ERICH1: variants seen among roughly 807,000 people sequenced by gnomAD.
ERICH1 encodes the protein glutamate rich 1, also known as glutamate-rich protein 1.
ERICH1 carries 56 observed loss-of-function variants against 39.6 expected under a neutral mutation model. That is an observed-to-expected ratio of 1.41 (90% CI 1.14 to 1.77). The LOEUF (loss-of-function observed/expected upper bound fraction) is 1.77. Among genes scored for constraint, ERICH1 ranks in the 40% most tolerant of loss-of-function variants. ERICH1 has a pLI of 0.00. For missense variants in ERICH1, 826 were observed against 575.4 expected (o/e 1.44, Z -4.45); for synonymous variants, 313 against 223.6 (o/e 1.40, Z -3.57).
intron 3 of ERICH1, among the ~76,000 whole-genome samples, chr8:688,406 T>C (rs1386721767): frequency 1.1e-4 from 12 of 107,088 alleles, no homozygotes; most frequent in African/African-American, 3.6e-4. Flanking sequence ...GCGCCCAGGC[T>C]CCGCTTCCCT....
intron 2 of ERICH1, among the ~76,000 whole-genome samples, chr8:694,450 G>A (rs748541673): frequency 1.3e-5 from 2 of 152,234 alleles, no homozygotes; most frequent in Non-Finnish European, 2.9e-5. Context: ...TTAATCATTA[G>A]GATGGACACG....
At chr8:694,478 C>T (rs1809672315) in intron 2 of ERICH1, among the ~76,000 whole-genome samples, 2 of 152,202 alleles carry the variant, frequency 1.3e-5, no homozygotes, top group South Asian at 4.1e-4. Context: ...TCAGGGAACA[C>T]TCAATGACTC....
rs1425898653 is a variant in ERICH1 at position 700,407 on chromosome 8, AGG to A, written c.170-7797_170-7796del. Reference sequence around the variant, plus strand: ...CCCGCACACGCGCACAGGCCCGCACAGGCGCACAGGCCCGCAGACGCGCACAG... The same window carrying A: ...CCCGCACACGCGCACAGGCCCGCACACGCACAGGCCCGCAGACGCGCACAG... On this transcript the variant is annotated intron_variant, in intron 2 of 5. Transcript: ENST00000262109. Among the ~76,000 whole-genome samples the A allele has an allele frequency of 1.0e-3, 84 of 81,770 alleles. 10 individuals are homozygous for A. Among genetic ancestry groups the A allele is most frequent in the African/African-American group, 2.9e-3 (64 of 21,762 alleles). The allele number at this position is 81,770 out of a possible 152,430, so 53.6% of individuals were successfully genotyped here. A position where few individuals can be genotyped will look rare whatever the true frequency, so the allele number is the denominator to read the frequency against.
In ERICH1 at chr8:718,029, C is replaced by T. The variant is rs965522314; in HGVS notation, c.23-2022G>A. 5.3e-5 allele frequency among the ~76,000 whole-genome samples: 8 copies of T among 152,334 alleles called. No homozygotes were observed. The East Asian group carries it at 1.3e-3, about 26-fold the overall frequency. On this transcript the variant is annotated intron_variant, in intron 1 of 5. Transcript: ENST00000262109. ...ACGCCAGGGTAAGGATCGGAGCGCA[C>T]TGAGAAACGGCACAACACATCAGCG...
At chr8:692,373 ACCC>A in intron 3 of ERICH1, 102 bp downstream of exon 3, 1 of 1,503,956 alleles carries the variant, frequency 6.6e-7, no homozygotes, top group Middle Eastern at 1.8e-4. Flanking sequence ...ATGCTCACCC[ACCC>A]CCCAAGTATG....
chr8:722,045 T>C (rs1253656808), intron 1 of ERICH1, among the ~76,000 whole-genome samples: 1 of 152,086 alleles, frequency 6.6e-6, no homozygotes, highest in African/African-American at 2.4e-5. Context: ...TGAAAATGCC[T>C]TGCAGTCACG....
At chr8:682,334 G>A (rs1215672036) in intron 3 of ERICH1, among the ~76,000 whole-genome samples, 1 of 152,222 alleles carries the variant, frequency 6.6e-6, no homozygotes, top group Non-Finnish European at 1.5e-5. Context: ...AGTTGGCTCA[G>A]CAGGTCAAGG....
chr8:652,015 T>C (rs1483092212), intron 3 of ERICH1, among the ~76,000 whole-genome samples: 1 of 152,198 alleles, frequency 6.6e-6, no homozygotes, highest in Admixed American at 6.5e-5. Flanking sequence ...GAAAAGGCCG[T>C]TGGCAGTTGC....
rs558863593 is a variant in ERICH1, at chr8:683,757, G to A, written c.304+8721C>T. On this transcript the variant is annotated intron_variant, in intron 3 of 5. Coordinates refer to ENST00000262109, the MANE Select transcript of ERICH1 (RefSeq NM_207332.3). ...GTGATTTTGAATTTGGATGCCGGGC[G>A]GTGATCAGGAACCACCAAAGGAAAG... 5.3e-5 allele frequency among the ~76,000 whole-genome samples: 8 copies of A among 152,312 alleles called. No individual in the cohort carries two copies. In the South Asian group the frequency reaches 8.3e-4, roughly 16 times the overall value.
At chr8:655,098 G>A in intron 3 of ERICH1, among the ~76,000 whole-genome samples, 1 of 152,210 alleles carries the variant, frequency 6.6e-6, no homozygotes, top group East Asian at 1.9e-4. Context: ...AGTGGTCTCT[G>A]CCGAGCCCAG....
intron 2 of ERICH1, among the ~76,000 whole-genome samples, chr8:713,422 A>C (rs1815213499): frequency 6.6e-6 from 1 of 152,242 alleles, no homozygotes; most frequent in Non-Finnish European, 1.5e-5. Context: ...GAAAACATTA[A>C]GCCATATGGG....
intron 3 of ERICH1, among the ~76,000 whole-genome samples, chr8:620,293 C>A (rs899571399): frequency 6.6e-6 from 1 of 152,138 alleles, no homozygotes; most frequent in African/African-American, 2.4e-5. Context: ...GCCTGGGCAA[C>A]AGAGTGAGAC....
At chr8:632,132 C>T (rs1798080001) in intron 3 of ERICH1, among the ~76,000 whole-genome samples, 1 of 152,142 alleles carries the variant, frequency 6.6e-6, no homozygotes, top group South Asian at 2.1e-4. Context: ...GAGAGGAAAA[C>T]TTTGTGGGAT....
chr8:721,685 C>T (rs1477051468), intron 1 of ERICH1, among the ~76,000 whole-genome samples: 1 of 152,210 alleles, frequency 6.6e-6, no homozygotes, highest in Non-Finnish European at 1.5e-5. Context: ...GATATGGACA[C>T]GATTCTGTAA....
chr8:730,924 C>T (rs1306568352), intron 1 of ERICH1, among the ~76,000 whole-genome samples: 4 of 152,174 alleles, frequency 2.6e-5, no homozygotes, highest in African/African-American at 9.7e-5. Flanking sequence ...GCCGGCCCGA[C>T]CAGCAGCCAT....
At chr8:649,442 A>G (rs1799652759) in intron 3 of ERICH1, among the ~76,000 whole-genome samples, 1 of 152,184 alleles carries the variant, frequency 6.6e-6, no homozygotes, top group East Asian at 1.9e-4. Flanking sequence ...CTTTTATTCT[A>G]TGCTGTCCTC....
chr8:653,800 G>A (rs184726525), intron 3 of ERICH1, among the ~76,000 whole-genome samples: 39 of 145,414 alleles, frequency 2.7e-4, no homozygotes, highest in Admixed American at 2.4e-3. Flanking sequence ...TGGCACTGAG[G>A]AGAGGTCTCC....
At chr8:727,290 C>A (rs934336168) in intron 1 of ERICH1, among the ~76,000 whole-genome samples, 1 of 152,220 alleles carries the variant, frequency 6.6e-6, no homozygotes, top group Non-Finnish European at 1.5e-5. Context: ...CACCTACACA[C>A]AGACATCTCT....
chr8:618,535 G>A (rs575903218), intron 3 of ERICH1, among the ~76,000 whole-genome samples: 2 of 152,222 alleles, frequency 1.3e-5, no homozygotes, highest in East Asian at 3.8e-4. Context: ...CATGCTAACT[G>A]AGTGAGTGAC....
Sources: gnomAD v4.1 joint callset for allele counts (sites outside exome capture counted in the v4.1 genomes callset) on GRCh38, gnomAD v4.1.1 for gene constraint, MANE v1.5 for transcripts, NCBI Gene and HGNC (gene_info 2026-07-23, HGNC 2026-07-21) for gene names.